Variants in TRPM5 observed in about 807,000 individuals in gnomAD.
The protein encoded by TRPM5 is transient receptor potential cation channel subfamily M member 5.
A neutral mutation model predicts 124.9 loss-of-function variants in TRPM5; 121 were observed. The ratio of observed to expected loss-of-function variants is 0.97; its 90% confidence interval spans 0.84 to 1.13. The LOEUF (loss-of-function observed/expected upper bound fraction) is 1.13. Ranked by LOEUF, TRPM5 falls within the 50% of genes most tolerant of loss-of-function variation. The pLI, the probability that TRPM5 is intolerant of heterozygous loss-of-function variation, is 0.00. For missense variants in TRPM5, 1,643 were observed against 1,589.1 expected, an observed-to-expected ratio of 1.03 and a Z score of -0.58; for synonymous variants, 781 against 700.5, an observed-to-expected ratio of 1.11 and a Z score of -1.81.
chr11:2,440,967 G>A, the TRPM5 span, among the ~76,000 whole-genome samples: 1 of 152,206 alleles, frequency 6.6e-6, no homozygotes, highest in African/African-American at 2.4e-5. The surrounding 1 kb of genome is among the most constrained non-coding windows in gnomAD (Gnocchi z 5.2). Flanking sequence ...GTGGGCCTCT[G>A]ACCCTGCTGG....
chr11:2,417,710 A>T lies in TRPM5; in HGVS notation c.1009+17T>A. On this transcript the variant is annotated intron_variant, in intron 7 of 23. Coordinates refer to ENST00000155858, the Ensembl canonical transcript of TRPM5. ...CCCCCCAATGGCGCCTGCCTTGCCC[A>T]CCCTGCCCGCCCTCACCTTTCACCA... The T allele has an allele frequency of 1.5e-5, 5 of 335,806 alleles. No homozygotes were observed. Among genetic ancestry groups the T allele is most frequent in the Non-Finnish European group, 2.3e-5 (4 of 175,958 alleles). The allele number at this position is 335,806 out of a possible 1,614,324, so 20.8% of individuals were successfully genotyped here.
At position 2,415,337 on chromosome 11, in the gene TRPM5, G is replaced by A. The variant is rs7102871; in HGVS notation, c.1263C>T (p.Ser421=). The change falls in exon 9 of 24, where the codon TCC becomes TCT. Residue 421 remains serine (S), a synonymous_variant. Coordinates refer to ENST00000155858, the Ensembl canonical transcript of TRPM5. ...CGAAGAGCAGGCTCTTGCGTGACAC[G>A]GAGCGGTAGAGCTCCTGCAGCCGCC... 27,452 of 1,585,402 alleles carry A rather than the reference G, an allele frequency of 0.017. 2,774 individuals are homozygous for A. The African/African-American group carries it at 0.26, about 15-fold the overall frequency.
At chr11:2,407,980 C>A in intron 18 of TRPM5, 68 bp from the exon 24 acceptor site, 1 of 1,574,024 alleles carries the variant, frequency 6.4e-7, no homozygotes, top group Non-Finnish European at 8.6e-7. Flanking sequence ...GGCAAATGCC[C>A]CGAGATAGAG....
chr11:2,405,645 G>A (rs552751434), intron 22 of TRPM5, 52 bp from the exon 28 acceptor site: 5 of 1,538,910 alleles, frequency 3.2e-6, no homozygotes, highest in African/African-American at 2.7e-5. Context: ...CAGGACAGCA[G>A]GGGACAGGCA....
At chr11:2,423,023 T>G (rs751190040) in exon 1 of TRPM5, 1 of 1,611,746 alleles carries the variant, frequency 6.2e-7, no homozygotes, top group South Asian at 1.1e-5. Flanking sequence ...ACGGGGGCCT[T>G]GGACATCCTG....
intron 10 of TRPM5, 34 bp from the exon 16 acceptor site, chr11:2,414,872 C>T: frequency 6.3e-7 from 1 of 1,592,892 alleles, no homozygotes; most frequent in Non-Finnish European, 8.5e-7. Context: ...CCGCCCCTCC[C>T]CTGCCCCCGC....
the TRPM5 span, among the ~76,000 whole-genome samples, chr11:2,430,383 A>G: frequency 6.6e-6 from 1 of 152,158 alleles, no homozygotes; most frequent in South Asian, 2.1e-4. Flanking sequence ...CTGAACTGTG[A>G]GTCAACTCAA....
the TRPM5 span, among the ~76,000 whole-genome samples, chr11:2,437,703 C>T: frequency 1.3e-5 from 2 of 152,188 alleles, no homozygotes; most frequent in East Asian, 1.9e-4. The surrounding 1 kb of genome is among the most constrained non-coding windows in gnomAD (Gnocchi z 5.6). Flanking sequence ...TTCCTGGGGC[C>T]GACCCAGCCC....
chr11:2,418,504 G>A (rs1845720979), intron 5 of TRPM5, 23 bp downstream of exon 10: 1 of 1,604,298 alleles, frequency 6.2e-7, no homozygotes, highest in Non-Finnish European at 8.5e-7. Context: ...CGGCCAGCCA[G>A]GGGGCCTCAG....
rs371820006 is a variant in TRPM5 at position 2,413,497 on chromosome 11, T to C, written c.1982A>G (p.Tyr661Cys). ...CCACCTGAAGGTGATGAGGTTGGTA[T>C]AGACGAGGGCGGGGCAGAGGAAGGC... The change falls in exon 13 of 24, where the codon TAT becomes TGT. Residue 661 changes from tyrosine to cysteine, a missense_variant. Physicochemically the swap from Tyr to Cys is radical, Grantham distance 194. Coordinates refer to ENST00000155858, the Ensembl canonical transcript of TRPM5. The C allele has an allele frequency of 5.1e-5, 82 of 1,611,892 alleles. No individual in the cohort carries two copies. The Middle Eastern group carries it at 1.8e-3, about 36-fold the overall frequency.
At chr11:2,412,091 C>G in intron 16 of TRPM5, 44 bp downstream of exon 21, 1 of 1,547,538 alleles carries the variant, frequency 6.5e-7, no homozygotes, top group Non-Finnish European at 8.9e-7. Flanking sequence ...GGAAGCCTGC[C>G]CACAAGCCGC....
At chr11:2,420,184 G>A in intron 4 of TRPM5, 38 bp downstream of exon 9, 1 of 1,553,272 alleles carries the variant, frequency 6.4e-7, no homozygotes, top group Non-Finnish European at 8.6e-7. Context: ...TCCCCACTGG[G>A]TCCCAAGGCT....
rs1256845130 is a variant in TRPM5, at chr11:2,411,538, A to G, written c.2608-12T>C. 30 of 1,607,390 alleles carry G rather than the reference A, an allele frequency of 1.9e-5. No homozygotes were observed. Among genetic ancestry groups the G allele is most frequent in the Non-Finnish European group, 1.7e-6 (2 of 1,176,170 alleles). Reference sequence around the variant, plus strand: ...AAGACGTCCTTCATCTCCACGGGGCAGGGGCAGAGAGAGGGACGTCAGCGG... The same window carrying G: ...AAGACGTCCTTCATCTCCACGGGGCGGGGGCAGAGAGAGGGACGTCAGCGG... On this transcript the variant is annotated splice_polypyrimidine_tract_variant and intron_variant, in intron 17 of 23. Coordinates refer to ENST00000155858, the Ensembl canonical transcript of TRPM5.
rs1160185718 is a variant in TRPM5, at chr11:2,406,110, G to T, written c.3252-19C>A. 6.2e-7 allele frequency: 1 copy of T among 1,610,072 alleles called. No individual in the cohort carries two copies. The highest frequency in any genetic ancestry group is 1.1e-5 in the South Asian group (1 of 91,084). On this transcript the variant is annotated intron_variant, in intron 21 of 23. Coordinates refer to ENST00000155858, the Ensembl canonical transcript of TRPM5. ...GTCCACTCTGCGGCAGGAGCAGGTG[G>T]TCAGGCTGTGGATGGCCACGCGGTG...
the TRPM5 span, among the ~76,000 whole-genome samples, chr11:2,440,649 GT>G: frequency 6.6e-6 from 1 of 151,846 alleles, no homozygotes; most frequent in Non-Finnish European, 1.5e-5. The surrounding 1 kb of genome is among the most constrained non-coding windows in gnomAD (Gnocchi z 5.2). Context: ...TGCCCCCTTC[GT>G]TTTTTTTGTC....
intron 18 of TRPM5, chr11:2,410,827 T>C (rs1850430795): frequency 2.7e-6 from 1 of 375,304 alleles, no homozygotes; most frequent in Non-Finnish European, 5.3e-6. Flanking sequence ...AGCGGCCAAA[T>C]GGCGAAGGGG....
exon 10 of TRPM5, chr11:2,414,938 C>T (rs755250213): frequency 1.3e-5 from 21 of 1,605,092 alleles, no homozygotes; most frequent in East Asian, 6.7e-5. Flanking sequence ...CATCTCGTGG[C>T]GGTTCTGCAG....
At chr11:2,405,329 A>T (rs565228330) in intron 23 of TRPM5, among the ~76,000 whole-genome samples, 198 bp downstream of exon 28, 2 of 152,342 alleles carry the variant, frequency 1.3e-5, no homozygotes, top group African/African-American at 4.8e-5. Flanking sequence ...TGAGTGAAGC[A>T]CATTCGGCCC....
chr11:2,423,232 C>T (rs531890963), upstream of TRPM5, among the ~76,000 whole-genome samples: 3 of 152,262 alleles, frequency 2.0e-5, no homozygotes, highest in South Asian at 4.1e-4. Flanking sequence ...CCCTGCCCAG[C>T]GACCCCCTGC....
Sources: allele counts gnomAD v4.1 joint callset (sites outside exome capture counted in the v4.1 genomes callset), GRCh38; gene constraint gnomAD v4.1.1; non-coding constraint Gnocchi (gnomAD v3.1); transcripts MANE v1.5; gene names NCBI Gene and HGNC (gene_info 2026-07-23, HGNC 2026-07-21).